NUP93: variants seen among roughly 807,000 people sequenced by gnomAD.
NUP93 encodes nuclear pore complex protein Nup93.
A neutral mutation model predicts 107.8 loss-of-function variants in NUP93; 55 were observed. That is an observed-to-expected ratio of 0.51 (90% CI 0.41 to 0.64). The LOEUF (loss-of-function observed/expected upper bound fraction) is 0.64, where lower values mean the gene tolerates loss of function less well. NUP93 is among the 30% of genes least tolerant of loss of function. NUP93 has a pLI of 0.00. For missense variants in NUP93, 937 were observed against 1,044.7 expected, an observed-to-expected ratio of 0.90 and a Z score of 1.42; for synonymous variants, 390 against 397.5, an observed-to-expected ratio of 0.98 and a Z score of 0.22.
chr16:56,801,888 T>C (rs375321795), intron 4 of NUP93, among the ~76,000 whole-genome samples: 54 of 152,300 alleles, frequency 3.5e-4, no homozygotes, highest in African/African-American at 1.3e-3. Context: ...AGGGAATGGT[T>C]AATTCCCACT....
intron 3 of NUP93, among the ~76,000 whole-genome samples, chr16:56,767,702 CTCT>C (rs1469274741): frequency 6.6e-6 from 1 of 152,316 alleles, no homozygotes; most frequent in East Asian, 1.9e-4. Context: ...GGAGTTTTCT[CTCT>C]TCTTCTAGTA....
rs866580341 is a variant in NUP93 at position 56,756,302 on chromosome 16, C to T, written c.180-2236C>T. ...AATGCTCTCTCTCTCCTTGCCCCCC[C>T]CCCCCCCGACAGGCTCCTATGTGTG... On this transcript the variant is annotated intron_variant, in intron 2 of 21. Coordinates refer to ENST00000308159, the MANE Select transcript of NUP93 (RefSeq NM_014669.5). Among the ~76,000 whole-genome samples, 20 of 81,850 alleles carry T rather than the reference C, an allele frequency of 2.4e-4. 1 individual carries two copies. Among genetic ancestry groups the T allele is most frequent in the Non-Finnish European group, 4.6e-4 (17 of 37,314 alleles). 53.7% of individuals were successfully genotyped at this position (81,850 alleles called of 152,430 possible).
chr16:56,758,888 T>C (rs1250759810), intron 3 of NUP93, among the ~76,000 whole-genome samples: 4 of 152,238 alleles, frequency 2.6e-5, no homozygotes, highest in African/African-American at 9.6e-5. Context: ...CTGCACTTTT[T>C]AGATTATTAT....
Position 56,834,653 on chromosome 16 carries a change from C to T in NUP93, c.1738-81C>T, listed in dbSNP as rs115987645. On this transcript the variant is annotated intron_variant, in intron 15 of 21. Coordinates refer to ENST00000308159, the MANE Select transcript of NUP93 (RefSeq NM_014669.5). ...CTTATCCCATTCATCCCATTTGATT[C>T]CCCTCTTTTTTCTCTGAAGACTTAT... 243 of 1,290,480 alleles carry T rather than the reference C, an allele frequency of 1.9e-4. 1 individual carries two copies. The African/African-American group carries it at 3.1e-3, about 17-fold the overall frequency. The allele number at this position is 1,290,480 out of a possible 1,614,324, so 79.9% of individuals were successfully genotyped here. A position where few individuals can be genotyped will look rare whatever the true frequency, so the allele number is the denominator to read the frequency against.
intron 3 of NUP93, among the ~76,000 whole-genome samples, chr16:56,791,561 A>G (rs750078335): frequency 6.6e-6 from 1 of 152,232 alleles, no homozygotes; most frequent in African/African-American, 2.4e-5. Flanking sequence ...CTTTTTCTAC[A>G]GTAGGAATTA....
intron 2 of NUP93, among the ~76,000 whole-genome samples, chr16:56,753,342 G>A (rs940595971): frequency 1.3e-5 from 2 of 152,164 alleles, no homozygotes; most frequent in Non-Finnish European, 2.9e-5. Flanking sequence ...CATAAAAATA[G>A]TGGCACCTCA....
intron 20 of NUP93, 48 bp from the exon 21 acceptor site, chr16:56,841,657 C>T: frequency 6.2e-7 from 1 of 1,603,586 alleles, no homozygotes; most frequent in South Asian, 1.1e-5. Context: ...TGTGGTTGGC[C>T]CCAAAGGCTT....
At chr16:56,732,764 A>G (rs1268264893) in intron 1 of NUP93, among the ~76,000 whole-genome samples, 1 of 152,188 alleles carries the variant, frequency 6.6e-6, no homozygotes, top group East Asian at 1.9e-4. Context: ...ATGGAGTTAG[A>G]GGGAAGATCT....
chr16:56,812,413 G>A (rs1963336079), intron 5 of NUP93, among the ~76,000 whole-genome samples: 1 of 151,800 alleles, frequency 6.6e-6, no homozygotes, highest in South Asian at 2.1e-4. Flanking sequence ...GCGCGATCTT[G>A]GGTCACTGCA....
At chr16:56,798,746 G>A (rs1177497309) in intron 4 of NUP93, among the ~76,000 whole-genome samples, 1 of 152,034 alleles carries the variant, frequency 6.6e-6, no homozygotes. Flanking sequence ...GCACACGTCT[G>A]TGGTCCCAGC....
intron 5 of NUP93, among the ~76,000 whole-genome samples, chr16:56,812,003 G>T (rs1368359188): frequency 6.6e-6 from 1 of 152,072 alleles, no homozygotes; most frequent in Non-Finnish European, 1.5e-5. Context: ...AAAAATCTTT[G>T]CATATAAATA....
At chr16:56,832,030 A>G (rs372102447) in intron 11 of NUP93, 23 bp downstream of exon 11, 16 of 1,613,082 alleles carry the variant, frequency 9.9e-6, no homozygotes, top group Admixed American at 1.7e-5. Flanking sequence ...TCCCCTGCCC[A>G]CATAGGGCTT....
At chr16:56,762,028 G>A (rs1470521641) in intron 3 of NUP93, among the ~76,000 whole-genome samples, 2 of 152,064 alleles carry the variant, frequency 1.3e-5, no homozygotes, top group Non-Finnish European at 2.9e-5. Flanking sequence ...TCATAAAGAA[G>A]GCCTACATTT....
intron 3 of NUP93, among the ~76,000 whole-genome samples, chr16:56,789,900 A>C (rs1596802853): frequency 6.6e-6 from 1 of 152,176 alleles, no homozygotes; most frequent in Non-Finnish European, 1.5e-5. Flanking sequence ...GGCGTTCAAG[A>C]CCAGCCTGGC....
At chr16:56,761,525 A>T (rs1308029495) in intron 3 of NUP93, among the ~76,000 whole-genome samples, 1 of 150,102 alleles carries the variant, frequency 6.7e-6, no homozygotes, top group African/African-American at 2.5e-5. Context: ...AATGTGGTGG[A>T]CTTTTGTAAT....
At chr16:56,801,101 C>CT (rs1425633917) in intron 4 of NUP93, among the ~76,000 whole-genome samples, 1 of 152,096 alleles carries the variant, frequency 6.6e-6, no homozygotes, top group Non-Finnish European at 1.5e-5. Flanking sequence ...CCAGTTTATC[C>CT]TTTTTCTTGT....
In NUP93 at chr16:56,736,328, A is replaced by G. The variant is rs533608223; in HGVS notation, c.-15+6117A>G. 3.6e-3 allele frequency among the ~76,000 whole-genome samples: 544 copies of G among 152,346 alleles called. 2 individuals are homozygous for G. The highest frequency in any genetic ancestry group is 6.8e-3 in the Middle Eastern group (2 of 294). Reference sequence around the variant, plus strand: ...AGCCTGGGCAACAAAGCGAGATTCCATCTCAAAAATAAATAAATAAATAAT... The same window carrying G: ...AGCCTGGGCAACAAAGCGAGATTCCGTCTCAAAAATAAATAAATAAATAAT... On this transcript the variant is annotated intron_variant, in intron 1 of 21. Transcript: ENST00000308159.
chr16:56,844,087 C>T (rs745815379), intron 21 of NUP93, among the ~76,000 whole-genome samples: 2 of 152,194 alleles, frequency 1.3e-5, no homozygotes, highest in Non-Finnish European at 2.9e-5. Context: ...ACAAGGGCTT[C>T]ATGGGGCTCT....
At chr16:56,835,661 C>CAGCCACCTTGACCTGGTCT (rs1337229910) in intron 16 of NUP93, among the ~76,000 whole-genome samples, 2 of 152,216 alleles carry the variant, frequency 1.3e-5, no homozygotes, top group African/African-American at 2.4e-5. Flanking sequence ...CAACCTGGTC[C>CAGCCACCTTGACCTGGTCT]AGCCACCTTG....
Sources: allele counts gnomAD v4.1 joint callset (sites outside exome capture counted in the v4.1 genomes callset), GRCh38; gene constraint gnomAD v4.1.1; transcripts MANE v1.5; gene names NCBI Gene and HGNC (gene_info 2026-07-23, HGNC 2026-07-21).